The following KCNA2 variants were observed in gnomAD, a reference collection of about 807,000 sequenced individuals.
KCNA2 encodes the protein potassium channel, voltage gated shaker related subfamily A, member 2.
Under a neutral mutation model 33.4 loss-of-function variants are expected in KCNA2, and 11 were observed. That is an observed-to-expected ratio of 0.33 (90% confidence interval 0.21 to 0.55). The LOEUF (loss-of-function observed/expected upper bound fraction) is 0.55, where lower values mean the gene tolerates loss of function less well. KCNA2 is among the 20% of genes least tolerant of loss of function. KCNA2 has a pLI of 0.93. For synonymous variants in KCNA2, 222 were observed against 231.3 expected, an observed-to-expected ratio of 0.96 and a Z score of 0.37; for missense variants, 291 against 621.6, an observed-to-expected ratio of 0.47 and a Z score of 5.66.
chr1:110,595,932 T>C lies in KCNA2; in HGVS notation c.*7351A>G, dbSNP rs749479771. The C allele has an allele frequency of 2.4e-5, 24 of 985,422 alleles. No individual in the cohort carries two copies. Among genetic ancestry groups the C allele is most frequent in the Non-Finnish European group, 2.9e-5 (24 of 829,928 alleles). The allele number at this position is 985,422 out of a possible 1,614,324, so 61.0% of individuals were successfully genotyped here. A position where few individuals can be genotyped will look rare whatever the true frequency, so the allele number is the denominator to read the frequency against. On this transcript the variant is annotated 3_prime_UTR_variant, in exon 3 of 3. Coordinates refer to ENST00000316361, the MANE Select transcript of KCNA2 (RefSeq NM_004974.4). The stretch of plus-strand genomic sequence containing the variant: ...TAAATCCTTTGCCAGGTCTTCAAGC[T>C]TTCCACTCCCCTCGAGTACAAAGTT...
At chr1:110,619,567 T>G (rs1650181073) in intron 1 of KCNA2, among the ~76,000 whole-genome samples, 1 of 152,160 alleles carries the variant, frequency 6.6e-6, no homozygotes, top group Non-Finnish European at 1.5e-5. Context: ...CGGGCGGCAA[T>G]GCGGCAATCT....
At chr1:110,613,401 C>T (rs936782177) in intron 1 of KCNA2, among the ~76,000 whole-genome samples, 1 of 152,246 alleles carries the variant, frequency 6.6e-6, no homozygotes. Flanking sequence ...CTGCTCCAGG[C>T]TGGGCACAAA....
intron 1 of KCNA2, among the ~76,000 whole-genome samples, chr1:110,618,601 G>A (rs1184075483): frequency 4.6e-5 from 7 of 152,198 alleles, no homozygotes; most frequent in Non-Finnish European, 8.8e-5. Context: ...AGAGGATGGA[G>A]AGGGTAGAGA....
Position 110,598,320 on chromosome 1 carries a change from T to C in KCNA2, c.*4963A>G. 2 of 913,416 alleles carry C rather than the reference T, an allele frequency of 2.2e-6. No homozygotes were observed. Among genetic ancestry groups the C allele is most frequent in the Non-Finnish European group, 2.6e-6 (2 of 764,556 alleles). The allele number at this position is 913,416 out of a possible 1,614,324, so 56.6% of individuals were successfully genotyped here. A position where few individuals can be genotyped will look rare whatever the true frequency, so the allele number is the denominator to read the frequency against. Reference sequence around the variant, plus strand: ...CTTGAGTAAACAAGTCAAAGCACTGTGCTCCCCTGCCTGACATAGGGGTAG... The same window carrying C: ...CTTGAGTAAACAAGTCAAAGCACTGCGCTCCCCTGCCTGACATAGGGGTAG... On this transcript the variant is annotated 3_prime_UTR_variant, in exon 3 of 3. Transcript: ENST00000316361.
chr1:110,595,216 T>C lies in KCNA2; in HGVS notation c.*8067A>G. The stretch of plus-strand genomic sequence containing the variant: ...TACATAATCATGCCCTGTGCATCCA[T>C]CAGTGGAATGATGCAGGGAGTTCTC... On this transcript the variant is annotated 3_prime_UTR_variant, in exon 3 of 3. Transcript: ENST00000316361. The C allele has an allele frequency of 3.0e-6, 3 of 985,462 alleles. No homozygotes were observed. Among genetic ancestry groups the C allele is most frequent in the Non-Finnish European group, 3.6e-6 (3 of 829,942 alleles). 61.0% of individuals were successfully genotyped at this position (985,462 alleles called of 1,614,324 possible).
rs1458216541 is a variant in KCNA2, at chr1:110,602,657, C to T, written c.*626G>A. The T allele has an allele frequency of 3.0e-6, 3 of 995,658 alleles. No individual in the cohort carries two copies. The highest frequency in any genetic ancestry group is 1.1e-4 in the East Asian group (1 of 9,262). The allele number at this position is 995,658 out of a possible 1,614,324, so 61.7% of individuals were successfully genotyped here. A position where few individuals can be genotyped will look rare whatever the true frequency, so the allele number is the denominator to read the frequency against. On this transcript the variant is annotated 3_prime_UTR_variant, in exon 3 of 3. Coordinates refer to ENST00000316361, the MANE Select transcript of KCNA2 (RefSeq NM_004974.4). ...TCATACTAACTGTCCCTCCCCCGGG[C>T]TTCCCTCACATCGACACTGCAGAGA... is the stretch of plus-strand genomic sequence containing the variant.
chr1:110,598,693 G>T lies in KCNA2; in HGVS notation c.*4590C>A, dbSNP rs1057308971. On this transcript the variant is annotated 3_prime_UTR_variant, in exon 3 of 3. Coordinates refer to ENST00000316361, the MANE Select transcript of KCNA2 (RefSeq NM_004974.4). ...ACTCCCGTGGGGCCCCTTTTAAAAGGCTAACCTCATGGTGACATGCCAACA... is the reference window on the plus strand; with the variant it reads ...ACTCCCGTGGGGCCCCTTTTAAAAGTCTAACCTCATGGTGACATGCCAACA... 3 of 985,274 alleles carry T rather than the reference G, an allele frequency of 3.0e-6. No homozygotes were observed. The highest frequency in any genetic ancestry group is 3.6e-6 in the Non-Finnish European group (3 of 829,916). The allele number at this position is 985,274 out of a possible 1,614,324, so 61.0% of individuals were successfully genotyped here.
At chr1:110,624,715 G>C (rs961185982) in intron 1 of KCNA2, among the ~76,000 whole-genome samples, 3 of 152,194 alleles carry the variant, frequency 2.0e-5, no homozygotes, top group Admixed American at 6.5e-5. Context: ...GTTATGTTGA[G>C]ATTGTGTTGC....
At chr1:110,623,571 T>C (rs960139138) in intron 1 of KCNA2, among the ~76,000 whole-genome samples, 1 of 152,202 alleles carries the variant, frequency 6.6e-6, no homozygotes, top group Admixed American at 6.5e-5. Context: ...AAAAAATTAC[T>C]TTTTGTAGAG....
chr1:110,598,580 G>A lies in KCNA2; in HGVS notation c.*4703C>T, dbSNP rs1270244194. ...TCCTGGGCCCTCCCAACACGGAGCA[G>A]CAACATGAACACCCAGGCTGGGGTC... On this transcript the variant is annotated 3_prime_UTR_variant, in exon 3 of 3. Coordinates refer to ENST00000316361, the MANE Select transcript of KCNA2 (RefSeq NM_004974.4). 1.0e-6 allele frequency: 1 copy of A among 985,422 alleles called. No individual in the cohort carries two copies. The highest frequency in any genetic ancestry group is 1.7e-5 in the African/African-American group (1 of 57,324). The allele number at this position is 985,422 out of a possible 1,614,324, so 61.0% of individuals were successfully genotyped here.
rs190150901 is a variant in KCNA2, at chr1:110,601,245, C to T, written c.*2038G>A. ...ATGCCTTTGGATCATCTAGGGACTC[C>T]ATCACTTAGTCCCGGACTTCAGACA... On this transcript the variant is annotated 3_prime_UTR_variant, in exon 3 of 3. Transcript: ENST00000316361. The T allele has an allele frequency of 9.7e-5, 96 of 984,806 alleles. No homozygotes were observed. In the East Asian group the frequency reaches 8.4e-3, roughly 86 times the overall value. The allele number at this position is 984,806 out of a possible 1,614,324, so 61.0% of individuals were successfully genotyped here. A position where few individuals can be genotyped will look rare whatever the true frequency, so the allele number is the denominator to read the frequency against.
chr1:110,613,937 C>T (rs1191598928), intron 1 of KCNA2, among the ~76,000 whole-genome samples: 3 of 152,210 alleles, frequency 2.0e-5, no homozygotes, highest in South Asian at 2.1e-4. Context: ...CCTAAGGACC[C>T]GTGGTCTTCC....
chr1:110,602,597 G>C lies in KCNA2; in HGVS notation c.*686C>G. 2.0e-6 allele frequency: 2 copies of C among 1,007,298 alleles called. No individual in the cohort carries two copies. Among genetic ancestry groups the C allele is most frequent in the Non-Finnish European group, 2.4e-6 (2 of 844,044 alleles). The allele number at this position is 1,007,298 out of a possible 1,614,324, so 62.4% of individuals were successfully genotyped here. On this transcript the variant is annotated 3_prime_UTR_variant, in exon 3 of 3. Transcript: ENST00000316361. ...TGTTAGCTTCTCCCCATAGGCCTAA[G>C]GGAACAAATGTGAAACTTGACAACT...
At chr1:110,620,483 T>TC (rs1291914209) in intron 1 of KCNA2, among the ~76,000 whole-genome samples, 1 of 152,162 alleles carries the variant, frequency 6.6e-6, no homozygotes, top group East Asian at 1.9e-4. Flanking sequence ...TTGCGCCTTC[T>TC]CGGAGGTGAA....
upstream of KCNA2, among the ~76,000 whole-genome samples, chr1:110,609,885 A>G (rs909801540): frequency 6.6e-6 from 1 of 152,244 alleles, no homozygotes; most frequent in African/African-American, 2.4e-5. Context: ...TGAGCAAGTT[A>G]CTGACACTCT....
At position 110,601,936 on chromosome 1, in the gene KCNA2, T is replaced by C. The variant is rs1649372170; in HGVS notation, c.*1347A>G. Reference sequence around the variant, plus strand: ...AAATATTGCATAAGCTTGTACAATGTTCAAATGCAATTTCTTTTCTATCAC... The same window carrying C: ...AAATATTGCATAAGCTTGTACAATGCTCAAATGCAATTTCTTTTCTATCAC... On this transcript the variant is annotated 3_prime_UTR_variant, in exon 3 of 3. Coordinates refer to ENST00000316361, the MANE Select transcript of KCNA2 (RefSeq NM_004974.4). 6.7e-7 allele frequency: 1 copy of C among 1,492,368 alleles called. No individual in the cohort carries two copies. Among genetic ancestry groups the C allele is most frequent in the East Asian group, 2.5e-5 (1 of 40,396 alleles). 92.4% of individuals were successfully genotyped at this position (1,492,368 alleles called of 1,614,324 possible).
upstream of KCNA2, chr1:110,606,866 C>G (rs1239829510): frequency 6.6e-6 from 1 of 152,326 alleles, no homozygotes; most frequent in Non-Finnish European, 1.5e-5. Flanking sequence ...TATTCTGTGC[C>G]GAAGAGGCGA....
Position 110,595,531 on chromosome 1 carries a change from C to T in KCNA2, c.*7752G>A. 1.0e-6 allele frequency: 1 copy of T among 985,480 alleles called. No individual in the cohort carries two copies. 61.0% of individuals were successfully genotyped at this position (985,480 alleles called of 1,614,324 possible). On this transcript the variant is annotated 3_prime_UTR_variant, in exon 3 of 3. Transcript: ENST00000316361. The stretch of plus-strand genomic sequence containing the variant: ...CAGATACAGTGAAAAATCCCTCCCA[C>T]TCCCATCTAGGTAGAAAGCAACAGT...
intron 1 of KCNA2, among the ~76,000 whole-genome samples, chr1:110,621,756 G>A (rs1337484252): frequency 3.3e-5 from 5 of 152,114 alleles, no homozygotes; most frequent in Non-Finnish European, 5.9e-5. Context: ...GAGAAATTCC[G>A]TGAGAGACAT....
Sources: allele counts gnomAD v4.1 joint callset (sites outside exome capture counted in the v4.1 genomes callset), GRCh38; gene constraint gnomAD v4.1.1; transcripts MANE v1.5; gene names NCBI Gene and HGNC (gene_info 2026-07-23, HGNC 2026-07-21).